The following HIVEP3 variants were observed in gnomAD, a reference collection of about 807,000 sequenced individuals.
HIVEP3 encodes the protein transcription factor HIVEP3.
In HIVEP3, 49 loss-of-function variants were observed where a neutral mutation model predicts 152.8. The ratio of observed to expected loss-of-function variants is 0.32; its 90% CI spans 0.26 to 0.41. HIVEP3 has a LOEUF of 0.41. HIVEP3 is among the 10% of genes least tolerant of loss of function. The probability of loss-of-function intolerance (pLI) is 1.00; values close to 1 mark genes in which losing one functional copy is unlikely to be tolerated. For synonymous variants in HIVEP3, 1,269 were observed against 1,289.0 expected (o/e 0.98, Z 0.33); for missense variants, 2,790 against 3,103.3 (o/e 0.90, Z 2.40).
chr1:41,844,480 C>T (rs548378951), intron 1 of HIVEP3, among the ~76,000 whole-genome samples: 4 of 152,330 alleles, frequency 2.6e-5, no homozygotes, highest in African/African-American at 4.8e-5. Context: ...TATCGCTAGA[C>T]GTCATCCGAT....
intron 1 of HIVEP3, among the ~76,000 whole-genome samples, chr1:41,852,624 G>C (rs1302557137): frequency 6.6e-6 from 1 of 152,198 alleles, no homozygotes; most frequent in African/African-American, 2.4e-5. Context: ...CCCAAGATTG[G>C]AGAAGGTCTC....
At chr1:41,893,122 CA>C (rs59214004) in intron 1 of HIVEP3, among the ~76,000 whole-genome samples, 20,206 of 76,732 alleles carry the variant, frequency 0.26, 1,241 homozygotes, top group South Asian at 0.37. Context: ...GATCTCGTCT[CA>C]AAAAAAAAAA....
At chr1:41,780,569 C>A (rs535122072) in intron 1 of HIVEP3, among the ~76,000 whole-genome samples, 1 of 152,294 alleles carries the variant, frequency 6.6e-6, no homozygotes, top group Non-Finnish European at 1.5e-5. Context: ...GGAGCAGGCC[C>A]CTTGACATCC....
rs543794573 is a variant in HIVEP3 at position 41,820,225 on chromosome 1, A to G, written c.-801+98188T>C. 2.6e-5 allele frequency among the ~76,000 whole-genome samples: 4 copies of G among 152,304 alleles called. No homozygotes were observed. The South Asian group carries it at 8.3e-4, about 32-fold the overall frequency. ...ACGTATCTGTCCATTTCTACTTCTC[A>G]TTCTGCCAATTTTTGCTTTATTTAT... On this transcript the variant is annotated intron_variant, in intron 1 of 8. Transcript: ENST00000372583.
intron 1 of HIVEP3, among the ~76,000 whole-genome samples, chr1:41,854,569 A>C (rs1570673662): frequency 8.5e-6 from 1 of 117,260 alleles, no homozygotes; most frequent in Non-Finnish European, 1.7e-5. Context: ...ACATGTGCAC[A>C]TTGTGCAGGT....
At chr1:41,540,746 C>G (rs188411285) in intron 5 of HIVEP3, among the ~76,000 whole-genome samples, 2 of 152,298 alleles carry the variant, frequency 1.3e-5, no homozygotes, top group Non-Finnish European at 2.9e-5. Context: ...TCCGGGCTCC[C>G]TTTAAGAAAG....
intron 1 of HIVEP3, among the ~76,000 whole-genome samples, chr1:41,713,646 AC>A (rs1418829220): frequency 6.6e-6 from 1 of 152,226 alleles, no homozygotes; most frequent in Non-Finnish European, 1.5e-5. Context: ...GTAACCTGGT[AC>A]TACAGTTCTT....
At chr1:42,014,847 T>C (rs1645512935) in intron 1 of HIVEP3, among the ~76,000 whole-genome samples, 1 of 152,196 alleles carries the variant, frequency 6.6e-6, no homozygotes, top group Admixed American at 6.5e-5. Context: ...TATTTGCATC[T>C]CTTAGTTTAT....
intron 1 of HIVEP3, among the ~76,000 whole-genome samples, chr1:41,711,597 C>T (rs1364839633): frequency 6.6e-6 from 1 of 152,226 alleles, no homozygotes; most frequent in Admixed American, 6.5e-5. Context: ...ACCGATCCTG[C>T]ATAGCCTTTG....
chr1:42,007,867 C>T (rs1317414038), intron 1 of HIVEP3, among the ~76,000 whole-genome samples: 7 of 152,112 alleles, frequency 4.6e-5, no homozygotes, highest in Admixed American at 3.9e-4. Context: ...TCTGACTCCA[C>T]CCCCATGACA....
rs185553676 is a variant in HIVEP3, at chr1:41,662,852, G to A, written c.-720-33905C>T. Among the ~76,000 whole-genome samples, 1,734 of 152,248 alleles carry A rather than the reference G, an allele frequency of 0.011. 37 individuals are homozygous for A. Among genetic ancestry groups the A allele is most frequent in the African/African-American group, 0.04 (1,662 of 41,566 alleles). On this transcript the variant is annotated intron_variant, in intron 2 of 8. Transcript: ENST00000372583. This position sits in a 1 kb window ranked among gnomAD's most constrained non-coding sequence, Gnocchi z 7.2. ...CACCCGGGCCCAGCGGGAGTCCATC[G>A]CCGTCCCCAAAGTGTGCGCTCCCCG... is the stretch of plus-strand genomic sequence containing the variant.
chr1:41,729,465 C>T (rs1558217871), intron 1 of HIVEP3, among the ~76,000 whole-genome samples: 1 of 152,336 alleles, frequency 6.6e-6, no homozygotes. Context: ...CCAGGGACCA[C>T]GGGTTTCCCA....
intron 5 of HIVEP3, among the ~76,000 whole-genome samples, chr1:41,563,328 T>C (rs1405629875): frequency 1.3e-5 from 2 of 150,928 alleles, no homozygotes; most frequent in Non-Finnish European, 3.0e-5. Context: ...GCCTGGGCGA[T>C]AGAGAGACTC....
Position 41,513,404 on chromosome 1 carries a change from G to A in HIVEP3, c.5817C>T (p.Leu1939=). 6.2e-7 allele frequency: 1 copy of A among 1,612,094 alleles called. No individual in the cohort carries two copies. The highest frequency in any genetic ancestry group is 2.2e-5 in the East Asian group (1 of 44,820). ...CSMSSQSMPG[L]PWLGPAPLGS... ...CCAGAGGGGCCGGTCCCAGCCAGGG[G>A]AGGCCCGGCATGCTCTGGCTGGACA... Residue 1939 remains leucine (L), a synonymous_variant, in exon 8 of 9, where the codon CTC becomes CTT. Coordinates refer to ENST00000372583, the MANE Select transcript of HIVEP3 (RefSeq NM_024503.5).
At chr1:41,966,868 A>G (rs2124501592) in intron 1 of HIVEP3, among the ~76,000 whole-genome samples, 1 of 152,236 alleles carries the variant, frequency 6.6e-6, no homozygotes, top group East Asian at 1.9e-4. Flanking sequence ...TACCAAGCAA[A>G]TGGAAAGCAG....
intron 3 of HIVEP3, among the ~76,000 whole-genome samples, chr1:41,591,963 C>A (rs533346393): frequency 2.0e-5 from 3 of 152,180 alleles, no homozygotes; most frequent in African/African-American, 4.8e-5. Context: ...TGTTTGAGGT[C>A]AATTCCTCCT....
intron 1 of HIVEP3, among the ~76,000 whole-genome samples, chr1:41,752,375 A>G: frequency 6.6e-6 from 1 of 152,204 alleles, no homozygotes; most frequent in South Asian, 2.1e-4. Flanking sequence ...GTGGACTGAG[A>G]TGAACCAGGG....
At chr1:41,949,706 T>G (rs1418436111) in intron 1 of HIVEP3, among the ~76,000 whole-genome samples, 1 of 152,216 alleles carries the variant, frequency 6.6e-6, no homozygotes, top group Non-Finnish European at 1.5e-5. Context: ...CTTTGGACCC[T>G]GTATCTTTAA....
chr1:41,529,574 A>G, intron 5 of HIVEP3, among the ~76,000 whole-genome samples: 1 of 84,226 alleles, frequency 1.2e-5, no homozygotes, highest in Non-Finnish European at 2.3e-5. Context: ...ACCCTCACAC[A>G]TACGTCCCCA....
Sources: gnomAD v4.1 joint callset for allele counts (sites outside exome capture counted in the v4.1 genomes callset) on GRCh38, gnomAD v4.1.1 for gene constraint, Gnocchi (gnomAD v3.1) non-coding constraint, MANE v1.5 for transcripts, NCBI Gene and HGNC (gene_info 2026-07-23, HGNC 2026-07-21) for gene names.